The following TXK variants were observed in gnomAD, a reference collection of about 807,000 sequenced individuals.
TXK encodes the protein TXK tyrosine kinase, also known as tyrosine-protein kinase TXK.
A neutral mutation model predicts 81.0 loss-of-function variants in TXK; 60 were observed. The ratio of observed to expected loss-of-function variants is 0.74; its 90% CI spans 0.60 to 0.92. The LOEUF (loss-of-function observed/expected upper bound fraction) is 0.92. TXK is among the 40% of genes least tolerant of loss of function. TXK has a pLI of 0.00. For synonymous variants in TXK, 203 were observed against 210.7 expected, an observed-to-expected ratio of 0.96 and a Z score of 0.32; for missense variants, 581 against 638.3, an observed-to-expected ratio of 0.91 and a Z score of 0.97.
At chr4:48,098,820 C>T (rs139996197) in intron 6 of TXK, among the ~76,000 whole-genome samples, 1 of 152,212 alleles carries the variant, frequency 6.6e-6, no homozygotes, top group Non-Finnish European at 1.5e-5. Flanking sequence ...GTAATCCCAG[C>T]TTCTTGGGTG....
chr4:48,082,681 C>T (rs187715124), intron 10 of TXK, among the ~76,000 whole-genome samples: 33 of 152,220 alleles, frequency 2.2e-4, no homozygotes, highest in African/African-American at 7.5e-4. Context: ...TGTTTTTGTG[C>T]CCCAAAAGTT....
chr4:48,073,234 T>G (rs1246966193), intron 13 of TXK, among the ~76,000 whole-genome samples: 1 of 152,102 alleles, frequency 6.6e-6, no homozygotes, highest in Non-Finnish European at 1.5e-5. Context: ...GTTTTAACCT[T>G]ATTGTAGACA....
At chr4:48,106,387 G>GT (rs1718460107) in intron 5 of TXK, among the ~76,000 whole-genome samples, 1 of 130,514 alleles carries the variant, frequency 7.7e-6, no homozygotes, top group Non-Finnish European at 1.5e-5. Context: ...AAGTTAGAAG[G>GT]GTTTTTTTTT....
chr4:48,090,151 T>C (rs749415265), intron 8 of TXK, among the ~76,000 whole-genome samples: 7 of 152,226 alleles, frequency 4.6e-5, no homozygotes, highest in Admixed American at 1.3e-4. Flanking sequence ...ACACATCCAA[T>C]ATATTTTGCA....
chr4:48,077,182 T>C (rs1005105265), intron 11 of TXK, among the ~76,000 whole-genome samples: 1 of 152,216 alleles, frequency 6.6e-6, no homozygotes, highest in Non-Finnish European at 1.5e-5. Flanking sequence ...AATATAATGC[T>C]ATGTAGAAAC....
chr4:48,079,982 A>G lies in TXK; in HGVS notation c.1103T>C (p.Leu368Pro). 1 of 1,614,032 alleles carries G rather than the reference A, an allele frequency of 6.2e-7. No individual in the cohort carries two copies. Among genetic ancestry groups the G allele is most frequent in the Non-Finnish European group, 8.5e-7 (1 of 1,179,972 alleles). ...NKGKLRKEML[L>P]SVCQDICEGM... ...TTCACATATATCCTGGCATACACTC[A>G]GTAGCATTTCCTTCCTAAGCTTTCC... Residue 368 changes from leucine (L) to proline (P), a missense_variant, in exon 11 of 15, where the codon CTG (leucine) becomes CCG (proline). Transcript: ENST00000264316.
At chr4:48,116,796 C>G (rs1718825164) in intron 1 of TXK, among the ~76,000 whole-genome samples, 2 of 152,228 alleles carry the variant, frequency 1.3e-5, no homozygotes, top group Non-Finnish European at 2.9e-5. Context: ...CAGCAGCAAA[C>G]AGCAGGCTGG....
Position 48,107,118 on chromosome 4 carries a change from T to A in TXK, c.447-2163A>T, listed in dbSNP as rs906757339. Among the ~76,000 whole-genome samples, 3 of 151,576 alleles carry A rather than the reference T, an allele frequency of 2.0e-5. No homozygotes were observed. The East Asian group carries it at 5.8e-4, about 29-fold the overall frequency. ...AAAAGTTTCCAAAAATTTAATTAAC[T>A]GAGCTTATAAATAGGACTGATTGTT... On this transcript the variant is annotated intron_variant, in intron 5 of 14. Transcript: ENST00000264316.
At chr4:48,090,120 T>C (rs577496675) in intron 8 of TXK, among the ~76,000 whole-genome samples, 2 of 152,360 alleles carry the variant, frequency 1.3e-5, no homozygotes, top group Admixed American at 1.3e-4. Flanking sequence ...AAAATCACTA[T>C]GTGCATAATT....
At chr4:48,095,036 C>A (rs1717929838) in intron 7 of TXK, 107 bp downstream of exon 7, 3 of 949,230 alleles carry the variant, frequency 3.2e-6, no homozygotes, top group Non-Finnish European at 3.3e-6. Flanking sequence ...TTTCTAACTT[C>A]CAGGTCAACA....
chr4:48,108,208 CAATA>C (rs915438142), intron 5 of TXK, among the ~76,000 whole-genome samples: 2 of 151,964 alleles, frequency 1.3e-5, no homozygotes, highest in African/African-American at 4.8e-5. Context: ...CGTAAGTGTA[CAATA>C]AATACAGATG....
chr4:48,081,746 A>G (rs2109411673), intron 10 of TXK, among the ~76,000 whole-genome samples: 1 of 152,214 alleles, frequency 6.6e-6, no homozygotes, highest in East Asian at 1.9e-4. Context: ...ATTTACCTCA[A>G]CACTTGATCA....
intron 14 of TXK, among the ~76,000 whole-genome samples, chr4:48,069,640 A>C (rs1716760485): frequency 6.6e-6 from 1 of 152,122 alleles, no homozygotes; most frequent in Non-Finnish European, 1.5e-5. Context: ...CAACTTTTTC[A>C]AACAAATAAA....
intron 1 of TXK, among the ~76,000 whole-genome samples, chr4:48,132,100 C>T (rs532650871): frequency 4.0e-5 from 6 of 148,764 alleles, no homozygotes; most frequent in South Asian, 2.1e-4. Flanking sequence ...GAGGGGATTT[C>T]GCTTAAACAG....
chr4:48,067,523 G>T lies in TXK; in HGVS notation c.*114C>A. The T allele has an allele frequency of 9.3e-7, 1 of 1,080,746 alleles. No individual in the cohort carries two copies. The highest frequency in any genetic ancestry group is 1.4e-6 in the Non-Finnish European group (1 of 717,704). 66.9% of individuals were successfully genotyped at this position (1,080,746 alleles called of 1,614,324 possible). On this transcript the variant is annotated 3_prime_UTR_variant, in exon 15 of 15. Transcript: ENST00000264316. ...ACTGTGATCTTTGCACTGTTTTCAAGAGTCAGCAACTCTGAAGAAAGATAT... is the reference window on the plus strand; with the variant it reads ...ACTGTGATCTTTGCACTGTTTTCAATAGTCAGCAACTCTGAAGAAAGATAT...
At position 48,089,755 on chromosome 4, in the gene TXK, C is replaced by G. The variant is rs1316363270; in HGVS notation, c.779G>C (p.Ser260Thr). The change falls in exon 9 of 15, where the codon AGC becomes ACC. Residue 260 changes from serine to threonine, a missense_variant. By Grantham distance (58) the Ser-to-Thr change is moderately conservative. Transcript: ENST00000264316. The stretch of plus-strand genomic sequence containing the variant: ...AGCATGTGTGCACACTTTACCGTAG[C>G]TAAACCCAGCTGTGGCTGGTAAACA... ...GSCLPATAGF[S>T]YEKWEIDPSE... The G allele has an allele frequency of 6.2e-7, 1 of 1,613,252 alleles. No homozygotes were observed. Among genetic ancestry groups the G allele is most frequent in the East Asian group, 2.2e-5 (1 of 44,856 alleles).
chr4:48,079,437 C>G (rs780925625), intron 11 of TXK, among the ~76,000 whole-genome samples: 48 of 152,174 alleles, frequency 3.2e-4, no homozygotes, highest in Non-Finnish European at 7.3e-5. Context: ...CTCACCTGAT[C>G]TTCTGGCCCC....
chr4:48,114,786 TA>T (rs1156858858), intron 1 of TXK, among the ~76,000 whole-genome samples: 3 of 152,250 alleles, frequency 2.0e-5, no homozygotes, highest in Non-Finnish European at 4.4e-5. Context: ...AGATCTGTCA[TA>T]TTTTTTTAAA....
rs78613422 is a variant in TXK at position 48,073,147 on chromosome 4, G to C, written c.1357+788C>G. Reference sequence around the variant, plus strand: ...TTGCTAGGTTGCCCAGGCTAGTCTTGAACTCCTGGTCTCAAACAATCCTCC... The same window carrying C: ...TTGCTAGGTTGCCCAGGCTAGTCTTCAACTCCTGGTCTCAAACAATCCTCC... On this transcript the variant is annotated intron_variant, in intron 13 of 14. Transcript: ENST00000264316. Among the ~76,000 whole-genome samples the C allele has an allele frequency of 1.1e-3, 139 of 131,410 alleles. 1 individual carries two copies. Among genetic ancestry groups the C allele is most frequent in the African/African-American group, 3.5e-3 (122 of 34,932 alleles). The allele number at this position is 131,410 out of a possible 152,430, so 86.2% of individuals were successfully genotyped here. A position where few individuals can be genotyped will look rare whatever the true frequency, so the allele number is the denominator to read the frequency against.
Sources: allele counts gnomAD v4.1 joint callset (sites outside exome capture counted in the v4.1 genomes callset), GRCh38; gene constraint gnomAD v4.1.1; transcripts MANE v1.5; gene names NCBI Gene and HGNC (gene_info 2026-07-23, HGNC 2026-07-21).